Variants in KCNN2 observed in about 807,000 individuals in gnomAD.
The protein encoded by KCNN2 is small conductance calcium-activated potassium channel protein 2.
KCNN2 carries 24 observed loss-of-function variants against 55.5 expected under a neutral mutation model. That is an observed-to-expected ratio of 0.43 (90% CI 0.31 to 0.61). The LOEUF is 0.61. KCNN2 is among the 20% of genes least tolerant of loss of function. The pLI is 0.08. For synonymous variants in KCNN2, 431 were observed against 336.1 expected, an observed-to-expected ratio of 1.28 and a Z score of -3.09; for missense variants, 754 against 853.6, an observed-to-expected ratio of 0.88 and a Z score of 1.45.
chr5:114,351,490 A>T (rs1757202756), intron 2 of KCNN2, among the ~76,000 whole-genome samples: 1 of 151,744 alleles, frequency 6.6e-6, no homozygotes, highest in African/African-American at 2.4e-5. Context: ...GTTTAATAAA[A>T]GTGGGAAGAA....
At chr5:114,349,318 C>T (rs1757167590) in intron 2 of KCNN2, among the ~76,000 whole-genome samples, 1 of 151,968 alleles carries the variant, frequency 6.6e-6, no homozygotes, top group South Asian at 2.1e-4. Flanking sequence ...CTTTGGAATG[C>T]TCCACAGTTT....
chr5:114,370,650 G>T (rs1219579561), intron 2 of KCNN2, among the ~76,000 whole-genome samples: 13 of 152,132 alleles, frequency 8.5e-5, no homozygotes, highest in African/African-American at 2.9e-4. Flanking sequence ...GGAACTACCT[G>T]TGTGAAGGCC....
At chr5:114,262,684 T>G (rs957116217) in intron 2 of KCNN2, among the ~76,000 whole-genome samples, 1 of 152,240 alleles carries the variant, frequency 6.6e-6, no homozygotes, top group Non-Finnish European at 1.5e-5. Context: ...GTGAAACTTA[T>G]GTTTTTAAAA....
At chr5:114,279,688 C>T (rs1399145306) in intron 2 of KCNN2, among the ~76,000 whole-genome samples, 1 of 152,178 alleles carries the variant, frequency 6.6e-6, no homozygotes, top group Non-Finnish European at 1.5e-5. Context: ...TTTTCTTAAT[C>T]CAGTCTATCA....
intron 1 of KCNN2, among the ~76,000 whole-genome samples, chr5:114,182,393 C>T (rs1753257896): frequency 6.6e-6 from 1 of 151,954 alleles, no homozygotes; most frequent in Non-Finnish European, 1.5e-5. Flanking sequence ...ATATAAAATT[C>T]AGAATCATGT....
intron 6 of KCNN2, among the ~76,000 whole-genome samples, chr5:114,493,041 C>T (rs1010136908): frequency 1.3e-5 from 2 of 152,058 alleles, no homozygotes; most frequent in Non-Finnish European, 2.9e-5. Context: ...AATGAAATTC[C>T]AGTTGCTTTG....
At chr5:114,056,765 C>T (rs1458133934) in intron 1 of KCNN2, among the ~76,000 whole-genome samples, 1 of 152,176 alleles carries the variant, frequency 6.6e-6, no homozygotes, top group East Asian at 1.9e-4. Flanking sequence ...TCCCTTCCGT[C>T]TTCCATCCTT....
At chr5:114,453,263 C>T (rs903156298) in intron 3 of KCNN2, among the ~76,000 whole-genome samples, 3 of 152,228 alleles carry the variant, frequency 2.0e-5, no homozygotes, top group African/African-American at 4.8e-5. Context: ...TATGCCTGCT[C>T]AGTTCCTACT....
intron 1 of KCNN2, among the ~76,000 whole-genome samples, chr5:114,070,554 G>C (rs1472937887): frequency 2.0e-5 from 3 of 152,196 alleles, no homozygotes; most frequent in African/African-American, 7.2e-5. Flanking sequence ...AGTGAAGTTG[G>C]TGAACCCCTC....
intron 2 of KCNN2, among the ~76,000 whole-genome samples, chr5:114,233,990 C>T (rs1754418871): frequency 6.6e-6 from 1 of 150,688 alleles, no homozygotes; most frequent in Non-Finnish European, 1.5e-5. Flanking sequence ...ACACTTCTTG[C>T]TGTAGCCTTC....
At chr5:114,365,742 C>G (rs534733578) in intron 2 of KCNN2, among the ~76,000 whole-genome samples, 1 of 152,208 alleles carries the variant, frequency 6.6e-6, no homozygotes, top group African/African-American at 2.4e-5. Context: ...CTTAAAAGAT[C>G]ATTCCAAAAT....
At chr5:114,420,159 T>C (rs1486026064) in intron 3 of KCNN2, among the ~76,000 whole-genome samples, 1 of 152,250 alleles carries the variant, frequency 6.6e-6, no homozygotes, top group African/African-American at 2.4e-5. Context: ...CTGAAAGCTG[T>C]GGAGGAGCAG....
chr5:114,150,017 G>T (rs1193074041), intron 1 of KCNN2, among the ~76,000 whole-genome samples: 1 of 152,082 alleles, frequency 6.6e-6, no homozygotes, highest in Non-Finnish European at 1.5e-5. Flanking sequence ...TGCTTTTCTG[G>T]GATAGGAATC....
intron 1 of KCNN2, among the ~76,000 whole-genome samples, chr5:114,213,608 C>G (rs1753934937): frequency 6.6e-6 from 1 of 151,966 alleles, no homozygotes; most frequent in African/African-American, 2.4e-5. Flanking sequence ...TTCCTTCAAA[C>G]TATTGAAAGC....
intron 3 of KCNN2, among the ~76,000 whole-genome samples, chr5:114,422,308 G>C (rs1024300505): frequency 2.0e-5 from 3 of 152,034 alleles, no homozygotes; most frequent in African/African-American, 7.2e-5. Flanking sequence ...CATGAGGGTG[G>C]AGCCCTCATG....
intron 2 of KCNN2, among the ~76,000 whole-genome samples, chr5:114,260,749 C>G (rs181763350): frequency 1.3e-5 from 2 of 152,178 alleles, no homozygotes; most frequent in East Asian, 1.9e-4. Context: ...TCTGGTTTAC[C>G]TTTGTCTTAA....
At chr5:114,329,253 G>T (rs564988801) in intron 2 of KCNN2, among the ~76,000 whole-genome samples, 26 of 152,318 alleles carry the variant, frequency 1.7e-4, no homozygotes, top group Admixed American at 1.1e-3. Flanking sequence ...AACTTGATTG[G>T]ATTGAAGGAT....
At chr5:114,408,109 C>T (rs1011714782) in intron 3 of KCNN2, among the ~76,000 whole-genome samples, 10 of 151,778 alleles carry the variant, frequency 6.6e-5, no homozygotes, top group Non-Finnish European at 1.3e-4. Flanking sequence ...AGTGCATGTG[C>T]GGTTGCCTCT....
chr5:114,140,011 A>G (rs1210155018), intron 1 of KCNN2, among the ~76,000 whole-genome samples: 1 of 152,166 alleles, frequency 6.6e-6, no homozygotes, highest in Non-Finnish European at 1.5e-5. Flanking sequence ...ATGTGAAACA[A>G]TGACACTCTT....
Sources: gnomAD v4.1 joint callset for allele counts (sites outside exome capture counted in the v4.1 genomes callset) on GRCh38, gnomAD v4.1.1 for gene constraint, MANE v1.5 for transcripts, NCBI Gene and HGNC (gene_info 2026-07-23, HGNC 2026-07-21) for gene names.